CHD2: variants seen among roughly 807,000 people sequenced by gnomAD.
CHD2 encodes chromodomain helicase DNA binding protein 2.
A neutral mutation model predicts 243.9 loss-of-function variants in CHD2; 28 were observed. The observed-to-expected ratio is 0.11, with a 90% CI of 0.09 to 0.16. The LOEUF is 0.16. CHD2 is among the 10% of genes least tolerant of loss of function. The pLI, the probability that CHD2 is intolerant of heterozygous loss-of-function variation, is 1.00. For missense variants in CHD2, 1,386 were observed against 2,209.8 expected, an observed-to-expected ratio of 0.63 and a Z score of 7.47; for synonymous variants, 775 against 779.0, an observed-to-expected ratio of 0.99 and a Z score of 0.09.
At chr15:92,959,168 A>G (rs775345117) in intron 16 of CHD2, among the ~76,000 whole-genome samples, 3 of 152,236 alleles carry the variant, frequency 2.0e-5, no homozygotes, top group Non-Finnish European at 4.4e-5. Flanking sequence ...TGCCTAACCT[A>G]TGGACACGAA....
chr15:92,945,389 C>CTTTTTTTTTT (rs149239392), intron 10 of CHD2: 2 of 127,184 alleles, frequency 1.6e-5, no homozygotes, highest in Non-Finnish European at 3.4e-5. Context: ...TCTTCTTCTT[C>CTTTTTTTTTT]TTCTTCTTTT....
intron 2 of CHD2, chr15:92,902,770 T>C (rs1402911824): frequency 6.6e-6 from 1 of 152,226 alleles, no homozygotes; most frequent in Non-Finnish European, 1.5e-5. Context: ...GGCAAATTAT[T>C]AAAGATTCAG....
At chr15:92,921,714 G>A (rs1327444193) in intron 2 of CHD2, among the ~76,000 whole-genome samples, 2 of 152,138 alleles carry the variant, frequency 1.3e-5, no homozygotes, top group Non-Finnish European at 2.9e-5. Flanking sequence ...TTCCTGTTTG[G>A]GTAGGGCTTT....
At chr15:92,902,079 T>C in intron 2 of CHD2, 1 of 396,982 alleles carries the variant, frequency 2.5e-6, no homozygotes, top group South Asian at 1.3e-4. Context: ...AGGTTTGCAT[T>C]TGTATGCTTA....
intron 36 of CHD2, among the ~76,000 whole-genome samples, 195 bp downstream of exon 36, chr15:93,012,639 A>T (rs1286204976): frequency 6.6e-6 from 1 of 152,192 alleles, no homozygotes; most frequent in Non-Finnish European, 1.5e-5. Context: ...TCTGACAAAG[A>T]GTGTTTACCC....
chr15:92,943,655 G>C (rs915401681), intron 9 of CHD2: 3 of 156,420 alleles, frequency 1.9e-5, no homozygotes, highest in Non-Finnish European at 2.8e-5. Context: ...TCTGGGTGTT[G>C]TATATGGGAA....
In CHD2 at chr15:92,908,803, C is replaced by T. The variant is rs1239701202; in HGVS notation, c.62+7504C>T. Among the ~76,000 whole-genome samples the T allele has an allele frequency of 2.0e-5, 3 of 152,092 alleles. No individual in the cohort carries two copies. In the East Asian group the frequency reaches 5.8e-4, roughly 29 times the overall value. On this transcript the variant is annotated intron_variant, in intron 2 of 38. Transcript: ENST00000394196. Reference sequence around the variant, plus strand: ...TTCTATATTAAATGTCATGGCAGATCCAGTTCTAGGCATACCTTTAAAATG... The same window carrying T: ...TTCTATATTAAATGTCATGGCAGATTCAGTTCTAGGCATACCTTTAAAATG...
chr15:92,928,496 C>CATTT (rs35895509), intron 4 of CHD2, among the ~76,000 whole-genome samples: 65,909 of 151,784 alleles, frequency 0.43, 15,851 homozygotes, highest in East Asian at 0.84. Context: ...TGAACATACT[C>CATTT]TTAAATGAGT....
intron 28 of CHD2, among the ~76,000 whole-genome samples, chr15:92,995,732 A>G (rs1304183217): frequency 6.6e-6 from 1 of 152,198 alleles, no homozygotes; most frequent in African/African-American, 2.4e-5. Flanking sequence ...TAATGAATAT[A>G]CCATTTCATA....
At position 93,000,599 on chromosome 15, in the gene CHD2, C is replaced by T. The variant is rs1195925017; in HGVS notation, c.4096C>T (p.Pro1366Ser). The T allele has an allele frequency of 1.2e-6, 2 of 1,613,342 alleles. No individual in the cohort carries two copies. Among genetic ancestry groups the T allele is most frequent in the South Asian group, 1.1e-5 (1 of 91,020 alleles). ...GGAGCATGGAATTGAGCTTTCATCT[C>T]CTAGGCATTCAGATAATCCATCAGA... ...KEEHGIELSS[P>S]RHSDNPSEEG... The change falls in exon 32 of 39, where the codon CCT becomes TCT. Residue 1366 changes from proline to serine, a missense_variant. By Grantham distance (74) the Pro-to-Ser change is moderately conservative. This residue lies in a region of CHD2 where 125 missense variants were observed against 128.9 expected (regional missense o/e 0.97). Transcript: ENST00000394196.
intron 15 of CHD2, 60 bp from the exon 16 acceptor site, chr15:92,956,399 G>C: frequency 7.9e-7 from 1 of 1,268,298 alleles, no homozygotes. Flanking sequence ...ATTAACACTT[G>C]AAAGCACTTG....
At chr15:92,906,959 G>C (rs992929101) in intron 2 of CHD2, among the ~76,000 whole-genome samples, 1 of 152,074 alleles carries the variant, frequency 6.6e-6, no homozygotes, top group South Asian at 2.1e-4. Context: ...TGGAACTTTA[G>C]GGTTATCAGT....
Position 92,918,842 on chromosome 15 carries a change from C to CAT in CHD2, c.63-5471_63-5470dup, listed in dbSNP as rs557413107. On this transcript the variant is annotated intron_variant, in intron 2 of 38. Transcript: ENST00000394196. The stretch of plus-strand genomic sequence containing the variant: ...ACATATACATATATATACATACACA[C>CAT]ATATATATACATACATATATATATA... Among the ~76,000 whole-genome samples, 45 of 151,266 alleles carry CAT rather than the reference C, an allele frequency of 3.0e-4. No homozygotes were observed. In the East Asian group the frequency reaches 7.1e-3, roughly 24 times the overall value.
In CHD2 at chr15:92,949,144, A is replaced by T. The variant is rs1259850076; in HGVS notation, c.1502+68A>T. On this transcript the variant is annotated intron_variant, in intron 13 of 38. Coordinates refer to ENST00000394196, the MANE Select transcript of CHD2 (RefSeq NM_001271.4). ...GCTTCTTTATTGTTAGATGTCAAGA[A>T]TTTTTTTTTTCTTTTTTCACACCCT... is the stretch of plus-strand genomic sequence containing the variant. The T allele has an allele frequency of 5.3e-6, 8 of 1,522,160 alleles. No homozygotes were observed. In the African/African-American group the frequency reaches 5.7e-5, roughly 11 times the overall value. The allele number at this position is 1,522,160 out of a possible 1,614,324, so 94.3% of individuals were successfully genotyped here. A position where few individuals can be genotyped will look rare whatever the true frequency, so the allele number is the denominator to read the frequency against.
chr15:92,901,453 A>AAT (rs2052528041), intron 2 of CHD2, 154 bp downstream of exon 2: 1 of 624,832 alleles, frequency 1.6e-6, no homozygotes, highest in African/African-American at 1.9e-5. Flanking sequence ...TGAGATTGCT[A>AAT]ATATGCCACA....
chr15:93,023,710 G>A (rs562189545), intron 38 of CHD2, among the ~76,000 whole-genome samples: 1 of 148,432 alleles, frequency 6.7e-6, no homozygotes, highest in Non-Finnish European at 1.5e-5. Flanking sequence ...CTCCATCTTC[G>A]TGGGTGTGAA....
At chr15:92,910,887 A>C (rs2052720893) in intron 2 of CHD2, among the ~76,000 whole-genome samples, 1 of 152,206 alleles carries the variant, frequency 6.6e-6, no homozygotes. Context: ...ACACAAACCT[A>C]GGTATAGCCT....
intron 32 of CHD2, among the ~76,000 whole-genome samples, chr15:93,001,201 G>A (rs983227965): frequency 5.3e-5 from 8 of 152,134 alleles, no homozygotes; most frequent in African/African-American, 1.4e-4. Flanking sequence ...CGATTGACAC[G>A]TAGCCTCATT....
Position 92,901,261 on chromosome 15 carries a change from C to T in CHD2, c.24C>T (p.Ser8=), listed in dbSNP as rs1251726951. The T allele has an allele frequency of 2.5e-6, 4 of 1,604,872 alleles. No homozygotes were observed. In the Admixed American group the frequency reaches 6.7e-5, roughly 27 times the overall value. Residue 8 remains serine (S), a synonymous_variant, in exon 2 of 39, where the codon AGC becomes AGT. Coordinates refer to ENST00000394196, the MANE Select transcript of CHD2 (RefSeq NM_001271.4). The part of the protein sequence containing the change: MMRNKDK[S]QEEDSSLHSN... The stretch of plus-strand genomic sequence containing the variant: ...AGATGATGAGAAATAAGGACAAAAG[C>T]CAAGAGGAGGACAGTTCGCTACACA...
Sources: gnomAD v4.1 joint callset for allele counts (sites outside exome capture counted in the v4.1 genomes callset) on GRCh38, gnomAD v4.1.1 for gene constraint, gnomAD v4.1.1 regional missense constraint, MANE v1.5 for transcripts, NCBI Gene and HGNC (gene_info 2026-07-23, HGNC 2026-07-21) for gene names.